LARGE1: variants seen among roughly 807,000 people sequenced by gnomAD.
The protein encoded by LARGE1 is xylosyl- and glucuronyltransferase LARGE1.
Under a neutral mutation model 87.6 loss-of-function variants are expected in LARGE1, and 43 were observed. The ratio of observed to expected loss-of-function variants is 0.49; its 90% confidence interval spans 0.38 to 0.63. The LOEUF is 0.63. LARGE1 is among the 30% of genes least tolerant of loss of function. The pLI, the probability that LARGE1 is intolerant of heterozygous loss-of-function variation, is 0.00. For synonymous variants in LARGE1, 434 were observed against 394.6 expected, an observed-to-expected ratio of 1.10 and a Z score of -1.18; for missense variants, 802 against 1,000.2, an observed-to-expected ratio of 0.80 and a Z score of 2.67.
At chr22:33,897,614 G>A (rs905303355) in intron 1 of LARGE1, among the ~76,000 whole-genome samples, 15 of 152,184 alleles carry the variant, frequency 9.9e-5, no homozygotes, top group Non-Finnish European at 2.2e-4. Context: ...TGAAGCCAGC[G>A]GAACCTACAG....
chr22:33,680,602 T>C (rs970420203), intron 2 of LARGE1, among the ~76,000 whole-genome samples: 1 of 152,204 alleles, frequency 6.6e-6, no homozygotes, highest in Non-Finnish European at 1.5e-5. Context: ...CCTCAACAGT[T>C]GCACCATCTT....
intron 1 of LARGE1, among the ~76,000 whole-genome samples, chr22:33,765,405 A>G (rs1485907645): frequency 6.6e-6 from 1 of 152,178 alleles, no homozygotes; most frequent in Non-Finnish European, 1.5e-5. Context: ...GAAAGGCATT[A>G]AAAAGCTATA....
intron 1 of LARGE1, among the ~76,000 whole-genome samples, chr22:33,915,024 C>T (rs1315954912): frequency 6.4e-5 from 7 of 108,964 alleles, no homozygotes; most frequent in Admixed American, 1.8e-4. Flanking sequence ...CACACACACA[C>T]ACACACACAC....
At chr22:33,876,346 C>G (rs1473303824) in intron 1 of LARGE1, among the ~76,000 whole-genome samples, 1 of 151,768 alleles carries the variant, frequency 6.6e-6, no homozygotes. Context: ...GAGCAGATAC[C>G]CTTAGAGACA....
chr22:33,268,427 A>C (rs112304038), downstream of LARGE1, among the ~76,000 whole-genome samples: 720 of 146,386 alleles, frequency 4.9e-3, 5 homozygotes, highest in Middle Eastern at 0.021. Context: ...GCTGTTAAAA[A>C]ACTTTTTTTT....
chr22:33,458,278 G>C (rs2068223196), intron 6 of LARGE1, among the ~76,000 whole-genome samples: 1 of 151,634 alleles, frequency 6.6e-6, no homozygotes, highest in Non-Finnish European at 1.5e-5. Flanking sequence ...CTAATTTTTT[G>C]TATTTTTAGT....
chr22:33,441,832 C>G (rs112920198), intron 6 of LARGE1, among the ~76,000 whole-genome samples: 122 of 152,302 alleles, frequency 8.0e-4, no homozygotes, highest in African/African-American at 2.4e-3. Context: ...TTCACTGGGA[C>G]TCTTAATCAG....
At position 33,673,958 on chromosome 22, in the gene LARGE1, G is replaced by A. The variant is rs554451150; in HGVS notation, c.107-23290C>T. Among the ~76,000 whole-genome samples the A allele has an allele frequency of 3.8e-5, 5 of 130,818 alleles. 1 individual carries two copies. Among genetic ancestry groups the A allele is most frequent in the South Asian group, 4.9e-4 (2 of 4,088 alleles). The allele number at this position is 130,818 out of a possible 152,430, so 85.8% of individuals were successfully genotyped here. A position where few individuals can be genotyped will look rare whatever the true frequency, so the allele number is the denominator to read the frequency against. On this transcript the variant is annotated intron_variant, in intron 2 of 14. Transcript: ENST00000397394. ...CCACCTGCCTGGGTTACACGACCAC[G>A]CCCAGCTAATTTTGTGTGTTGTGTA...
At chr22:33,092,201 T>C in the LARGE1 span, among the ~76,000 whole-genome samples, 138 of 152,108 alleles carry the variant, frequency 9.1e-4, no homozygotes, top group African/African-American at 3.2e-3. Flanking sequence ...CATGGCCCTA[T>C]GCTCTTCTTC....
At chr22:33,125,011 A>T in the LARGE1 span, among the ~76,000 whole-genome samples, 28 of 152,208 alleles carry the variant, frequency 1.8e-4, no homozygotes, top group African/African-American at 6.0e-4. Context: ...ACTTCTAATG[A>T]CATGCTAATT....
intron 6 of LARGE1, among the ~76,000 whole-genome samples, chr22:33,492,038 G>C (rs1312253635): frequency 6.6e-6 from 1 of 152,190 alleles, no homozygotes; most frequent in African/African-American, 2.4e-5. Context: ...GCAGTGTTCT[G>C]AACAGAGTGG....
chr22:33,094,991 T>C, the LARGE1 span, among the ~76,000 whole-genome samples: 2 of 152,210 alleles, frequency 1.3e-5, no homozygotes, highest in Admixed American at 6.5e-5. Context: ...ACTGCTGGGA[T>C]TACAGGCATG....
At chr22:33,168,492 A>T (rs187661157) in intron 11 of LARGE1, among the ~76,000 whole-genome samples, 1 of 152,344 alleles carries the variant, frequency 6.6e-6, no homozygotes, top group African/African-American at 2.4e-5. Flanking sequence ...CTAGAATTGG[A>T]GGCAATTTCC....
intron 1 of LARGE1, among the ~76,000 whole-genome samples, chr22:33,848,227 G>T (rs1423561788): frequency 6.6e-6 from 1 of 152,116 alleles, no homozygotes; most frequent in African/African-American, 2.4e-5. Flanking sequence ...GTGCTTATTA[G>T]GAAAAGACTA....
intron 2 of LARGE1, among the ~76,000 whole-genome samples, chr22:33,680,417 A>C: frequency 6.7e-6 from 1 of 149,696 alleles, no homozygotes; most frequent in Admixed American, 6.6e-5. Context: ...AGCAGATCTC[A>C]CTCTATCCAT....
intron 2 of LARGE1, among the ~76,000 whole-genome samples, chr22:33,660,090 GTTT>G (rs35643369): frequency 0.078 from 9,809 of 125,360 alleles, 349 homozygotes; most frequent in Non-Finnish European, 0.12. Context: ...GTGTGTGTGT[GTTT>G]TTTTTTTTTT....
chr22:33,126,073 T>G, the LARGE1 span, among the ~76,000 whole-genome samples: 4 of 152,268 alleles, frequency 2.6e-5, no homozygotes, highest in Non-Finnish European at 4.4e-5. Flanking sequence ...TCTATAACCT[T>G]GAGATAAGAA....
chr22:33,817,186 T>C (rs1272920557), intron 1 of LARGE1, among the ~76,000 whole-genome samples: 2 of 152,270 alleles, frequency 1.3e-5, no homozygotes, highest in South Asian at 4.1e-4. Flanking sequence ...CACACAAGTT[T>C]CTTCACAACC....
chr22:33,441,642 G>C (rs2067482910), intron 6 of LARGE1, among the ~76,000 whole-genome samples: 1 of 151,824 alleles, frequency 6.6e-6, no homozygotes, highest in Non-Finnish European at 1.5e-5. Flanking sequence ...TTTTTTTGTA[G>C]ACATGGGGGT....
Sources: gnomAD v4.1 joint callset for allele counts (sites outside exome capture counted in the v4.1 genomes callset) on GRCh38, gnomAD v4.1.1 for gene constraint, MANE v1.5 for transcripts, NCBI Gene and HGNC (gene_info 2026-07-23, HGNC 2026-07-21) for gene names.